PCDHGA6: variants seen among roughly 807,000 people sequenced by gnomAD.
PCDHGA6 encodes the protein protocadherin gamma subfamily A, 6.
In PCDHGA6, 41 loss-of-function variants were observed where a neutral mutation model predicts 60.6. That is an observed-to-expected ratio of 0.68 (90% CI 0.53 to 0.88). PCDHGA6 has a LOEUF of 0.88. PCDHGA6 is among the 40% of genes least tolerant of loss of function. The probability of loss-of-function intolerance (pLI) is 0.00; values close to 1 mark genes in which losing one functional copy is unlikely to be tolerated. For missense variants in PCDHGA6, 1,312 were observed against 1,203.0 expected (o/e 1.09, Z -1.34); for synonymous variants, 594 against 524.4 (o/e 1.13, Z -1.81).
chr5:141,409,258 C>G (rs2095247947), intron 1 of PCDHGA6: 2 of 1,613,918 alleles, frequency 1.2e-6, no homozygotes, highest in Non-Finnish European at 8.5e-7. Flanking sequence ...TCACTTCTCT[C>G]TCTGATCAGA....
rs761853399 is a variant in PCDHGA6, at chr5:141,389,296, A to G, written c.2424+12789A>G. On this transcript the variant is annotated intron_variant, in intron 1 of 3. Transcript: ENST00000517434. ...AACCCGCCTGGAGCCTCTATTTCAC[A>G]AGTCAGGGCTTCTGATCCGGACTTG... is the stretch of plus-strand genomic sequence containing the variant. The G allele has an allele frequency of 3.7e-6, 6 of 1,613,988 alleles. No individual in the cohort carries two copies. The South Asian group carries it at 6.6e-5, about 18-fold the overall frequency.
chr5:141,472,564 A>G (rs1471933375), intron 1 of PCDHGA6, among the ~76,000 whole-genome samples: 6 of 152,050 alleles, frequency 3.9e-5, no homozygotes, highest in Admixed American at 2.6e-4. Context: ...TATATTATAA[A>G]TGCTGCATCT....
chr5:141,419,564 C>A (rs2096400387), intron 1 of PCDHGA6: 5 of 1,611,832 alleles, frequency 3.1e-6, no homozygotes, highest in Non-Finnish European at 4.2e-6. Context: ...TGCGCTGGGT[C>A]CCGACGGCTC....
chr5:141,405,326 T>C (rs764056952), intron 1 of PCDHGA6: 2 of 1,614,220 alleles, frequency 1.2e-6, no homozygotes, highest in South Asian at 2.2e-5. Context: ...TGAGCCTTTG[T>C]GCGTCTCTGT....
intron 1 of PCDHGA6, among the ~76,000 whole-genome samples, chr5:141,380,336 G>C (rs1221282125): frequency 6.6e-6 from 1 of 152,060 alleles, no homozygotes; most frequent in Non-Finnish European, 1.5e-5. Flanking sequence ...GAACTTCAAA[G>C]AACTGTTTTG....
chr5:141,414,550 G>A (rs773044624), intron 1 of PCDHGA6: 1 of 1,613,948 alleles, frequency 6.2e-7, no homozygotes, highest in East Asian at 2.2e-5. Flanking sequence ...CTTCTCTCAA[G>A]TCTCCTACTT....
intron 1 of PCDHGA6, chr5:141,478,018 C>T: frequency 1.9e-6 from 3 of 1,614,124 alleles, no homozygotes; most frequent in Non-Finnish European, 2.5e-6. Context: ...CCCGTCCAGT[C>T]CAAGACACAG....
rs1354607645 is a variant in PCDHGA6, at chr5:141,433,848, A to C, written c.2424+57341A>C. Among the ~76,000 whole-genome samples, 4 of 152,082 alleles carry C rather than the reference A, an allele frequency of 2.6e-5. No individual in the cohort carries two copies. In the East Asian group the frequency reaches 5.8e-4, roughly 22 times the overall value. ...GTGAAACTCTATCTCAAAAAAAAAA[A>C]AAAAAAACTTTATCCTCTAGTTTCA... On this transcript the variant is annotated intron_variant, in intron 1 of 3. Coordinates refer to ENST00000517434, the MANE Select transcript of PCDHGA6 (RefSeq NM_018919.3).
intron 1 of PCDHGA6, chr5:141,384,244 C>A (rs768651416): frequency 1.2e-5 from 20 of 1,613,710 alleles, no homozygotes; most frequent in Non-Finnish European, 1.7e-5. Flanking sequence ...CAACGATAAC[C>A]CACCCACCTT....
Position 141,417,931 on chromosome 5 carries a change from G to C in PCDHGA6, c.2424+41424G>C, listed in dbSNP as rs551432799. The C allele has an allele frequency of 6.2e-6, 10 of 1,611,500 alleles. No homozygotes were observed. In the South Asian group the frequency reaches 9.9e-5, roughly 16 times the overall value. On this transcript the variant is annotated intron_variant, in intron 1 of 3. Transcript: ENST00000517434. ...TACTATTTCCTTTGCTGCTGCCTTT[G>C]TTCTACCCCACGCTGTGTGAGCCGA...
At chr5:141,417,887 C>T in intron 1 of PCDHGA6, 2 of 1,564,888 alleles carry the variant, frequency 1.3e-6, no homozygotes, top group Non-Finnish European at 1.7e-6. Flanking sequence ...GCAGAGGCGC[C>T]GGGCCGGCCC....
intron 1 of PCDHGA6, among the ~76,000 whole-genome samples, chr5:141,405,668 G>A (rs1468042334): frequency 6.6e-6 from 1 of 152,100 alleles, no homozygotes; most frequent in Non-Finnish European, 1.5e-5. Context: ...AGTAGAGACG[G>A]GGTGTCACCA....
Position 141,491,482 on chromosome 5 carries a change from A to G in PCDHGA6, c.2425-3325A>G. On this transcript the variant is annotated intron_variant, in intron 1 of 3. Coordinates refer to ENST00000517434, the MANE Select transcript of PCDHGA6 (RefSeq NM_018919.3). The surrounding 1 kb of genome is among the most constrained non-coding windows in gnomAD (Gnocchi z 6.9). Reference sequence around the variant, plus strand: ...GGACTTCTATAAGCAGTCCAGCCCCAACCTGCAGGTGAGCTCGGACGGCAC... The same window carrying G: ...GGACTTCTATAAGCAGTCCAGCCCCGACCTGCAGGTGAGCTCGGACGGCAC... 1 of 1,614,088 alleles carries G rather than the reference A, an allele frequency of 6.2e-7. No individual in the cohort carries two copies. The highest frequency in any genetic ancestry group is 8.5e-7 in the Non-Finnish European group (1 of 1,180,006).
At position 141,485,272 on chromosome 5, in the gene PCDHGA6, C is replaced by T. The variant is rs764196730; in HGVS notation, c.2425-9535C>T. The T allele has an allele frequency of 1.9e-6, 3 of 1,613,948 alleles. No homozygotes were observed. The highest frequency in any genetic ancestry group is 2.7e-5 in the African/African-American group (2 of 74,932). On this transcript the variant is annotated intron_variant, in intron 1 of 3. Transcript: ENST00000517434. The surrounding 1 kb of genome is among the most constrained non-coding windows in gnomAD (Gnocchi z 5.7). ...GTTACGTTTGTGGGCAGATCCGCTACCCGGTCCCAGAGGAGTCACAGGAAG... is the reference window on the plus strand; with the variant it reads ...GTTACGTTTGTGGGCAGATCCGCTATCCGGTCCCAGAGGAGTCACAGGAAG...
At chr5:141,438,366 G>A (rs749623408) in intron 1 of PCDHGA6, among the ~76,000 whole-genome samples, 6 of 151,462 alleles carry the variant, frequency 4.0e-5, no homozygotes, top group Non-Finnish European at 7.4e-5. Context: ...TTGTCATTGA[G>A]GGCAGATATA....
rs758205179 is a variant in PCDHGA6 at position 141,477,813 on chromosome 5, A to G, written c.2425-16994A>G. ...ACTGATCGCAATGACAATGCCCCCC[A>G]GGTCCTATATCCTCGGCCAGGTGGG... On this transcript the variant is annotated intron_variant, in intron 1 of 3. Transcript: ENST00000517434. This position sits in a 1 kb window ranked among gnomAD's most constrained non-coding sequence, Gnocchi z 4.9. The G allele has an allele frequency of 8.1e-6, 13 of 1,614,002 alleles. No homozygotes were observed. The East Asian group carries it at 2.7e-4, about 33-fold the overall frequency.
chr5:141,437,247 C>T (rs2097870457), intron 1 of PCDHGA6, among the ~76,000 whole-genome samples: 2 of 152,090 alleles, frequency 1.3e-5, no homozygotes, highest in Non-Finnish European at 2.9e-5. Context: ...AAGGACTTTC[C>T]TTGTCTTTTT....
intron 1 of PCDHGA6, among the ~76,000 whole-genome samples, chr5:141,382,046 C>G (rs1241597403): frequency 6.6e-6 from 1 of 151,928 alleles, no homozygotes. Flanking sequence ...TCAGGCTGGT[C>G]TCAAGCTCCC....
chr5:141,498,805 C>T (rs1397026274), intron 2 of PCDHGA6, among the ~76,000 whole-genome samples: 1 of 152,000 alleles, frequency 6.6e-6, no homozygotes, highest in Non-Finnish European at 1.5e-5. Flanking sequence ...TGGTGGTGCA[C>T]ACCTGTAGTC....
Sources: allele counts gnomAD v4.1 joint callset (sites outside exome capture counted in the v4.1 genomes callset), GRCh38; gene constraint gnomAD v4.1.1; non-coding constraint Gnocchi (gnomAD v3.1); transcripts MANE v1.5; gene names NCBI Gene and HGNC (gene_info 2026-07-23, HGNC 2026-07-21).